Variants in PDK2 observed in about 807,000 individuals in gnomAD.
The protein encoded by PDK2 is pyruvate dehydrogenase kinase, isozyme 2.
A neutral mutation model predicts 50.4 loss-of-function variants in PDK2; 34 were observed. That is an observed-to-expected ratio of 0.68 (90% CI 0.51 to 0.90). PDK2 has a LOEUF of 0.90. Ranked by LOEUF, PDK2 falls within the 40% of genes least tolerant of loss-of-function variation. The pLI is 0.00. For synonymous variants in PDK2, 232 were observed against 216.0 expected, an observed-to-expected ratio of 1.07 and a Z score of -0.65; for missense variants, 377 against 544.5, an observed-to-expected ratio of 0.69 and a Z score of 3.06.
rs554485569 is a variant in PDK2 at position 50,103,729 on chromosome 17, A to C, written c.261-1642A>C. Among the ~76,000 whole-genome samples, 17 of 152,314 alleles carry C rather than the reference A, an allele frequency of 1.1e-4. 1 individual carries two copies. Among genetic ancestry groups the C allele is most frequent in the Middle Eastern group, 6.8e-3 (2 of 294 alleles). On this transcript the variant is annotated intron_variant, in intron 2 of 10. Coordinates refer to ENST00000503176, the MANE Select transcript of PDK2 (RefSeq NM_002611.5). The stretch of plus-strand genomic sequence containing the variant: ...AGCAGCAATACTAGGTTTAAGGGGA[A>C]GGGCATTCCTAGCAGAGGGCACTGT...
intron 2 of PDK2, among the ~76,000 whole-genome samples, chr17:50,102,128 G>C (rs76395626): frequency 0.011 from 1,708 of 152,298 alleles, 22 homozygotes; most frequent in African/African-American, 0.038. Flanking sequence ...ATCAAGAACC[G>C]GCCCAAGGTT....
chr17:50,108,404 A>G lies in PDK2; in HGVS notation c.848A>G (p.Asp283Gly). The change falls in exon 8 of 11, where the codon GAT becomes GGT. Residue 283 changes from aspartate to glycine, a missense_variant. By Grantham distance (94) the Asp-to-Gly change is moderately conservative (BLOSUM62 -1). Coordinates refer to ENST00000503176, the MANE Select transcript of PDK2 (RefSeq NM_002611.5). Reference protein sequence around the residue: ...IKVMVALGEEDLSIKMSDRGG... With the variant: ...IKVMVALGEEGLSIKMSDRGG... Reference sequence around the variant, plus strand: ...GTCATGGTGGCCTTGGGTGAGGAAGATCTGTCCATCAAGGTATGTGACCCT... The same window carrying G: ...GTCATGGTGGCCTTGGGTGAGGAAGGTCTGTCCATCAAGGTATGTGACCCT... 6.2e-7 allele frequency: 1 copy of G among 1,613,132 alleles called. No individual in the cohort carries two copies. Among genetic ancestry groups the G allele is most frequent in the Non-Finnish European group, 8.5e-7 (1 of 1,179,096 alleles).
At chr17:50,096,198 C>A (rs1005692505) in intron 1 of PDK2, 132 of 985,426 alleles carry the variant, frequency 1.3e-4, no homozygotes, top group Non-Finnish European at 1.5e-4. Context: ...TCCGGCCTGG[C>A]AGCCTCTCCC....
rs1131996 is a variant in PDK2 at position 50,105,419 on chromosome 17, C to T, written c.309C>T (p.Pro103=). 9 of 1,613,764 alleles carry T rather than the reference C, an allele frequency of 5.6e-6. No homozygotes were observed. The highest frequency in any genetic ancestry group is 1.7e-5 in the Admixed American group (1 of 59,996). The change falls in exon 3 of 11, where the codon CCC becomes CCT. Residue 103 remains proline, a synonymous_variant. Coordinates refer to ENST00000503176, the MANE Select transcript of PDK2 (RefSeq NM_002611.5). ...LDIMEFLDKD[P]EDHRTLSQFT... The stretch of plus-strand genomic sequence containing the variant: ...TCATGGAGTTCCTGGACAAGGATCC[C>T]GAGGACCATCGCACCCTGAGCCAGT...
rs1910768824 is a variant in PDK2, at chr17:50,110,386, CCTCT to C, written c.*292_*295del. ...AGAGACATTTTCCCATGGCAGTCCT[CCTCT>C]CTGAGACCAGGGCTGTCACTTTTCT... On this transcript the variant is annotated 3_prime_UTR_variant, in exon 11 of 11. Coordinates refer to ENST00000503176, the MANE Select transcript of PDK2 (RefSeq NM_002611.5). 7.2e-6 allele frequency: 2 copies of C among 277,640 alleles called. No individual in the cohort carries two copies. Among genetic ancestry groups the C allele is most frequent in the Non-Finnish European group, 6.8e-6 (1 of 147,246 alleles). 17.2% of individuals were successfully genotyped at this position (277,640 alleles called of 1,614,324 possible). A position where few individuals can be genotyped will look rare whatever the true frequency, so the allele number is the denominator to read the frequency against.
At chr17:50,106,097 CGGGCGGTGGGGG>C in intron 4 of PDK2, 28 bp downstream of exon 4, 2 of 1,569,084 alleles carry the variant, frequency 1.3e-6, no homozygotes, top group East Asian at 2.3e-5. Context: ...CGGCGGGGAG[CGGGCGGTGGGGG>C]GGGCGGTGCT....
rs1357825361 is a variant in PDK2 at position 50,111,808 on chromosome 17, A to C, written c.*1711A>C. Reference sequence around the variant, plus strand: ...CAGGCTGCTGGTAAACTCCACCCCCATCCAGGGAGCTGGCCCCAGCCCTCA... The same window carrying C: ...CAGGCTGCTGGTAAACTCCACCCCCCTCCAGGGAGCTGGCCCCAGCCCTCA... On this transcript the variant is annotated 3_prime_UTR_variant, in exon 11 of 11. Transcript: ENST00000503176. 1.3e-5 allele frequency: 2 copies of C among 152,138 alleles called. No homozygotes were observed. The highest frequency in any genetic ancestry group is 2.9e-5 in the Non-Finnish European group (2 of 68,086). The allele number at this position is 152,138 out of a possible 1,614,324, so 9.4% of individuals were successfully genotyped here. A position where few individuals can be genotyped will look rare whatever the true frequency, so the allele number is the denominator to read the frequency against.
At chr17:50,107,193 G>A (rs1171714507) in intron 6 of PDK2, 40 bp downstream of exon 6, 5 of 1,561,520 alleles carry the variant, frequency 3.2e-6, no homozygotes, top group Non-Finnish European at 4.4e-6. Flanking sequence ...TCTTGGGGCT[G>A]GGGACGTGGC....
At chr17:50,097,640 G>A (rs1266766701) in intron 2 of PDK2, 76 bp downstream of exon 2, 1 of 1,549,656 alleles carries the variant, frequency 6.5e-7, no homozygotes, top group Non-Finnish European at 8.8e-7. Flanking sequence ...GCATCTCCAA[G>A]CTTTTAGCAG....
intron 2 of PDK2, chr17:50,097,925 TG>T (rs1224355010): frequency 4.9e-6 from 1 of 206,142 alleles, no homozygotes; most frequent in African/African-American, 2.3e-5. Context: ...AGTATTTATT[TG>T]GGGGTAACTT....
chr17:50,107,748 G>A (rs1052095878), intron 6 of PDK2, among the ~76,000 whole-genome samples: 1 of 152,154 alleles, frequency 6.6e-6, no homozygotes, highest in Admixed American at 6.5e-5. Context: ...GACAAGTGAT[G>A]GGAAGGAAAT....
In PDK2 at chr17:50,095,540, G is replaced by C. The variant is rs1909888625; in HGVS notation, c.105G>C (p.Gln35His). 1 of 1,605,490 alleles carries C rather than the reference G, an allele frequency of 6.2e-7. No homozygotes were observed. Among genetic ancestry groups the C allele is most frequent in the Non-Finnish European group, 8.5e-7 (1 of 1,175,874 alleles). ...CCCCGTCCCCGCTGTCCATGAAGCA[G>C]TTTCTGGACTTCGGTACGGAGTGGG... is the stretch of plus-strand genomic sequence containing the variant. ...KFSPSPLSMK[Q>H]FLDFGSSNAC... Residue 35 changes from glutamine (Q) to histidine (H), a missense_variant, in exon 1 of 11, where the codon CAG (glutamine) becomes CAC (histidine). By Grantham distance (24) the Gln-to-His change is conservative (BLOSUM62 0). Around this residue, in one of 3 missense-constraint regions of PDK2, gnomAD observed 100 missense variants for 115.5 expected, o/e 0.87. Coordinates refer to ENST00000503176, the MANE Select transcript of PDK2 (RefSeq NM_002611.5).
intron 2 of PDK2, among the ~76,000 whole-genome samples, chr17:50,102,301 C>A (rs190220863): frequency 1.3e-5 from 2 of 152,358 alleles, no homozygotes; most frequent in African/African-American, 4.8e-5. Context: ...CGCTGTCACT[C>A]CATGCCGGTG....
chr17:50,109,330 A>G lies in PDK2; in HGVS notation c.1013A>G (p.Lys338Arg), dbSNP rs1218115210. The G allele has an allele frequency of 6.2e-7, 1 of 1,613,786 alleles. No individual in the cohort carries two copies. The highest frequency in any genetic ancestry group is 1.7e-5 in the Admixed American group (1 of 59,990). Residue 338 changes from lysine to arginine, a missense_variant, in exon 10 of 11, where the codon AAG becomes AGG. Lys to Arg is a conservative substitution (Grantham distance 26). Around this residue, in one of 3 missense-constraint regions of PDK2, gnomAD observed 214 missense variants for 294.0 expected, o/e 0.73. Coordinates refer to ENST00000503176, the MANE Select transcript of PDK2 (RefSeq NM_002611.5). The surrounding 1 kb of genome is among the most constrained non-coding windows in gnomAD (Gnocchi z 5.0). ...YGLPISRLYAKYFQGDLQLFS... is the reference protein window; with the variant it reads ...YGLPISRLYARYFQGDLQLFS... ...CTCCCCATTTCCCGCCTCTACGCCA[A>G]GTACTTCCAGGGAGACCTGCAGCTC...
intron 1 of PDK2, 61 bp downstream of exon 1, chr17:50,095,614 C>T (rs1018457671): frequency 4.6e-6 from 7 of 1,514,016 alleles, no homozygotes; most frequent in Non-Finnish European, 6.3e-6. Context: ...GAGGGGCAGC[C>T]GGGGGCTAGG....
intron 1 of PDK2, 104 bp from the exon 2 acceptor site, chr17:50,097,319 C>A: frequency 1.6e-6 from 2 of 1,226,342 alleles, no homozygotes; most frequent in South Asian, 1.4e-5. Flanking sequence ...AGGTCACTTG[C>A]TCTCTGAGCC....
intron 2 of PDK2, among the ~76,000 whole-genome samples, chr17:50,099,771 C>T (rs78436329): frequency 0.13 from 19,719 of 152,236 alleles, 1,828 homozygotes; most frequent in East Asian, 0.34. Flanking sequence ...CCAGCCTGGG[C>T]GACAGAGCGA....
chr17:50,110,287 C>T lies in PDK2; in HGVS notation c.*190C>T, dbSNP rs78332968. On this transcript the variant is annotated 3_prime_UTR_variant, in exon 11 of 11. Transcript: ENST00000503176. Reference sequence around the variant, plus strand: ...AAGTGCCAGTCCATCTCTGTGGAGACCCCTCGGTGGCCTCCCTATCTCTGT... The same window carrying T: ...AAGTGCCAGTCCATCTCTGTGGAGATCCCTCGGTGGCCTCCCTATCTCTGT... 9.1e-3 allele frequency: 4,679 copies of T among 513,202 alleles called. 157 individuals are homozygous for T. The highest frequency in any genetic ancestry group is 0.071 in the African/African-American group (3,600 of 51,002). 31.8% of individuals were successfully genotyped at this position (513,202 alleles called of 1,614,324 possible).
intron 9 of PDK2, 25 bp downstream of exon 9, chr17:50,108,744 TC>T (rs1910654430): frequency 7.1e-7 from 1 of 1,412,846 alleles, no homozygotes; most frequent in Non-Finnish European, 9.8e-7. Context: ...CCCCAGCCCC[TC>T]CCACCTCCTG....
Sources: gnomAD v4.1 joint callset for allele counts (sites outside exome capture counted in the v4.1 genomes callset) on GRCh38, gnomAD v4.1.1 for gene constraint, gnomAD v4.1.1 regional missense constraint, Gnocchi (gnomAD v3.1) non-coding constraint, MANE v1.5 for transcripts, NCBI Gene and HGNC (gene_info 2026-07-23, HGNC 2026-07-21) for gene names.